TBC1D9: variants seen among roughly 807,000 people sequenced by gnomAD.
TBC1D9 encodes the protein TBC1 domain family member 9A.
TBC1D9 carries 63 observed loss-of-function variants against 132.0 expected under a neutral mutation model. The observed-to-expected ratio is 0.48, with a 90% CI of 0.39 to 0.59. The LOEUF is 0.59. Ranked by LOEUF, TBC1D9 falls within the 20% of genes least tolerant of loss-of-function variation. The pLI is 0.00. For synonymous variants in TBC1D9, 610 were observed against 609.9 expected, an observed-to-expected ratio of 1.00 and a Z score of 0.00; for missense variants, 1,261 against 1,592.7, an observed-to-expected ratio of 0.79 and a Z score of 3.54.
Position 140,624,200 on chromosome 4 carries a change from T to A in TBC1D9, c.2994A>T (p.Gln998His), listed in dbSNP as rs1310340591. ...ACAGTCTCAAATAATTACGATTTTCTTGGGAATTTGCTCTCTTCCCTACAA... is the reference window on the plus strand; with the variant it reads ...ACAGTCTCAAATAATTACGATTTTCATGGGAATTTGCTCTCTTCCCTACAA... ...KPDKGKRANS[Q>H]ENRNYLRLWT... Residue 998 changes from glutamine (Q) to histidine (H), a missense_variant, in exon 20 of 21, where the codon CAA becomes CAT. Physicochemically the swap from Gln to His is conservative, Grantham distance 24 (BLOSUM62 0). Around this residue, in one of 3 missense-constraint regions of TBC1D9, gnomAD observed 618 missense variants for 724.4 expected, o/e 0.85. Transcript: ENST00000442267. 1 of 1,611,834 alleles carries A rather than the reference T, an allele frequency of 6.2e-7. No individual in the cohort carries two copies. Among genetic ancestry groups the A allele is most frequent in the Non-Finnish European group, 8.5e-7 (1 of 1,178,830 alleles).
At chr4:140,663,319 A>G (rs756756285) in intron 9 of TBC1D9, among the ~76,000 whole-genome samples, 1 of 152,224 alleles carries the variant, frequency 6.6e-6, no homozygotes, top group Admixed American at 6.5e-5. Flanking sequence ...TCATCAGGGA[A>G]ATGCAAATCA....
chr4:140,667,128 C>T (rs1316871251), intron 9 of TBC1D9, among the ~76,000 whole-genome samples: 8 of 152,222 alleles, frequency 5.3e-5, no homozygotes, highest in Non-Finnish European at 1.2e-4. Flanking sequence ...CCAAGTTGGG[C>T]TCTGGCCTGG....
intron 1 of TBC1D9, among the ~76,000 whole-genome samples, 186 bp downstream of exon 1, chr4:140,755,730 T>C (rs899771023): frequency 2.6e-5 from 4 of 151,296 alleles, no homozygotes; most frequent in Non-Finnish European, 5.9e-5. Flanking sequence ...CCTGACAGAG[T>C]CAAAAAAAGA....
rs998197156 is a variant in TBC1D9, at chr4:140,686,448, C to G, written c.256G>C (p.Glu86Gln). 6.2e-7 allele frequency: 1 copy of G among 1,604,640 alleles called. No individual in the cohort carries two copies. Among genetic ancestry groups the G allele is most frequent in the Admixed American group, 1.7e-5 (1 of 59,550 alleles). ...AGCCATTCCCAGTGTTCAGTGATTTCTTTCCTGGAACCACCTGTACAAATG... is the reference window on the plus strand; with the variant it reads ...AGCCATTCCCAGTGTTCAGTGATTTGTTTCCTGGAACCACCTGTACAAATG... ...WTIACGGSRK[E>Q]ITEHWEWLEQ... The change falls in exon 3 of 21, where the codon GAA (glutamate) becomes CAA (glutamine). Residue 86 changes from glutamate to glutamine, a missense_variant. By Grantham distance (29) the Glu-to-Gln change is conservative. Transcript: ENST00000442267.
At chr4:140,626,242 T>C (rs1316289039) in intron 18 of TBC1D9, among the ~76,000 whole-genome samples, 1 of 152,218 alleles carries the variant, frequency 6.6e-6, no homozygotes, top group Non-Finnish European at 1.5e-5. Flanking sequence ...AATGTCTTAT[T>C]ACATTCTCTT....
chr4:140,698,178 C>T (rs754364276), intron 2 of TBC1D9, among the ~76,000 whole-genome samples: 9 of 152,300 alleles, frequency 5.9e-5, no homozygotes, highest in East Asian at 1.9e-4. Flanking sequence ...TTCACTTCTA[C>T]GGGCTCCCTC....
intron 1 of TBC1D9, chr4:140,712,324 T>C (rs545490594): frequency 6.6e-6 from 1 of 150,906 alleles, no homozygotes; most frequent in African/African-American, 2.4e-5. Context: ...CTTACTCCAG[T>C]TGCAGGCACT....
Position 140,668,973 on chromosome 4 carries a change from A to C in TBC1D9, c.1532T>G (p.Leu511Arg), listed in dbSNP as rs1737491776. 6.2e-7 allele frequency: 1 copy of C among 1,613,800 alleles called. No homozygotes were observed. Among genetic ancestry groups the C allele is most frequent in the Admixed American group, 1.7e-5 (1 of 59,992 alleles). The change falls in exon 9 of 21, where the codon CTG becomes CGG. Residue 511 changes from leucine (L) to arginine (R), a missense_variant. By Grantham distance (102) the Leu-to-Arg change is moderately radical. This residue lies in a region of TBC1D9 where 550 missense variants were observed against 699.0 expected (regional missense o/e 0.79). Coordinates refer to ENST00000442267, the MANE Select transcript of TBC1D9 (RefSeq NM_015130.3). Reference protein sequence around the residue: ...CMYRTEKTRELVLKGIPESMR... With the variant: ...CMYRTEKTRERVLKGIPESMR... ...GCTCTCCGGGATGCCCTTCAACACC[A>C]GCTCCCGCGTTTTCTCTGTGCGGTA...
intron 2 of TBC1D9, among the ~76,000 whole-genome samples, chr4:140,690,318 T>C (rs1737857877): frequency 6.6e-6 from 1 of 152,136 alleles, no homozygotes; most frequent in South Asian, 2.1e-4. Flanking sequence ...GGACCTGCTG[T>C]CCCACACTGC....
chr4:140,633,604 TATATA>T (rs569098892), intron 16 of TBC1D9, among the ~76,000 whole-genome samples: 3 of 152,204 alleles, frequency 2.0e-5, no homozygotes, highest in Non-Finnish European at 4.4e-5. Context: ...TATGCAATTA[TATATA>T]ATATATTCAA....
intron 1 of TBC1D9, among the ~76,000 whole-genome samples, chr4:140,739,229 G>C (rs898444825): frequency 2.6e-5 from 4 of 152,038 alleles, no homozygotes; most frequent in Admixed American, 6.6e-5. Flanking sequence ...GACCTCAGGT[G>C]ATCTGCCCAC....
At chr4:140,717,699 ATTCT>A (rs1291154015) in intron 1 of TBC1D9, among the ~76,000 whole-genome samples, 1 of 152,176 alleles carries the variant, frequency 6.6e-6, no homozygotes, top group Non-Finnish European at 1.5e-5. Context: ...AGGGAAACAG[ATTCT>A]TTCTACAGCT....
At chr4:140,627,875 C>T (rs1003120181) in intron 17 of TBC1D9, among the ~76,000 whole-genome samples, 6 of 152,234 alleles carry the variant, frequency 3.9e-5, no homozygotes, top group African/African-American at 1.2e-4. Flanking sequence ...CTCTATTGTT[C>T]GTGCCAATCT....
At chr4:140,747,948 T>C (rs906392623) in intron 1 of TBC1D9, among the ~76,000 whole-genome samples, 12 of 152,322 alleles carry the variant, frequency 7.9e-5, no homozygotes, top group African/African-American at 2.6e-4. Flanking sequence ...AAAATTTTTC[T>C]CATAGAAAAT....
intron 1 of TBC1D9, among the ~76,000 whole-genome samples, chr4:140,704,234 T>C (rs938542374): frequency 6.6e-6 from 1 of 151,438 alleles, no homozygotes; most frequent in African/African-American, 2.4e-5. Context: ...CCCTTCCCCA[T>C]TAAAAATCCA....
chr4:140,735,633 C>T (rs1219025973), intron 1 of TBC1D9, among the ~76,000 whole-genome samples: 3 of 152,152 alleles, frequency 2.0e-5, no homozygotes, highest in Non-Finnish European at 4.4e-5. Flanking sequence ...ATCACTTGAG[C>T]CCAGGAGTTC....
chr4:140,708,726 T>G (rs1205741091), intron 1 of TBC1D9, among the ~76,000 whole-genome samples: 1 of 152,214 alleles, frequency 6.6e-6, no homozygotes, highest in Non-Finnish European at 1.5e-5. Context: ...TGAGCTAATG[T>G]TGGCCAGCCA....
intron 2 of TBC1D9, among the ~76,000 whole-genome samples, chr4:140,700,618 C>G (rs1018149283): frequency 6.6e-6 from 1 of 151,798 alleles, no homozygotes; most frequent in Non-Finnish European, 1.5e-5. Context: ...GTCAGGAGTT[C>G]GAGACCAGCC....
intron 6 of TBC1D9, among the ~76,000 whole-genome samples, chr4:140,671,269 C>A (rs1327818097): frequency 6.6e-6 from 1 of 152,138 alleles, no homozygotes; most frequent in Admixed American, 6.5e-5. Context: ...GTAGCAGAGT[C>A]CCGGGATGCT....
Sources: gnomAD v4.1 joint callset for allele counts (sites outside exome capture counted in the v4.1 genomes callset) on GRCh38, gnomAD v4.1.1 for gene constraint, gnomAD v4.1.1 regional missense constraint, MANE v1.5 for transcripts, NCBI Gene and HGNC (gene_info 2026-07-23, HGNC 2026-07-21) for gene names.